FHOD3: variants seen among roughly 807,000 people sequenced by gnomAD.
FHOD3 encodes formin homology 2 domain containing 3.
In FHOD3, 90 loss-of-function variants were observed where a neutral mutation model predicts 173.0. That is an observed-to-expected ratio of 0.52 (90% CI 0.44 to 0.62). The LOEUF (loss-of-function observed/expected upper bound fraction) is 0.62. Among genes scored for constraint, FHOD3 ranks in the 20% least tolerant of loss-of-function variants. The pLI is 0.00. For missense variants in FHOD3, 1,945 were observed against 2,034.7 expected, an observed-to-expected ratio of 0.96 and a Z score of 0.85; for synonymous variants, 828 against 823.0, an observed-to-expected ratio of 1.01 and a Z score of -0.10.
At chr18:36,593,541 C>T (rs896293505) in intron 6 of FHOD3, among the ~76,000 whole-genome samples, 20 of 152,120 alleles carry the variant, frequency 1.3e-4, no homozygotes, top group African/African-American at 4.6e-4. Context: ...TTTGGGATCC[C>T]CCAAATTTAC....
At chr18:36,586,101 C>T (rs1315209048) in intron 6 of FHOD3, among the ~76,000 whole-genome samples, 1 of 152,188 alleles carries the variant, frequency 6.6e-6, no homozygotes, top group African/African-American at 2.4e-5. Flanking sequence ...TTTCATGTTT[C>T]CAGGGCTGGT....
chr18:36,527,331 G>A (rs2056569034), intron 5 of FHOD3, among the ~76,000 whole-genome samples: 1 of 152,188 alleles, frequency 6.6e-6, no homozygotes, highest in African/African-American at 2.4e-5. Context: ...TTTCTCTTAA[G>A]AAGGGATTTA....
At chr18:36,417,149 A>G (rs776497917) in intron 3 of FHOD3, among the ~76,000 whole-genome samples, 3 of 152,212 alleles carry the variant, frequency 2.0e-5, no homozygotes, top group Non-Finnish European at 4.4e-5. Context: ...TTTGTTGTAC[A>G]GATTATTTCA....
At chr18:36,315,844 A>G (rs2044089678) in intron 1 of FHOD3, among the ~76,000 whole-genome samples, 1 of 152,066 alleles carries the variant, frequency 6.6e-6, no homozygotes, top group South Asian at 2.1e-4. Flanking sequence ...TGAAAATGTA[A>G]TTTTGGTTAC....
chr18:36,718,214 G>T lies in FHOD3; in HGVS notation c.2916G>T (p.Pro972=). ...TCCCAGAAACAGCGCCGGTGCAGCC[G>T]AAGACAGAGTCTGATTACATCTGGG... ...DKVPETAPVQ[P]KTESDYIWDQ... is the part of the protein sequence containing the mutation. Residue 972 remains proline, a synonymous_variant, in exon 19 of 29, where the codon CCG becomes CCT. Transcript: ENST00000590592. 1 of 1,614,118 alleles carries T rather than the reference G, an allele frequency of 6.2e-7. No individual in the cohort carries two copies. Among genetic ancestry groups the T allele is most frequent in the East Asian group, 2.2e-5 (1 of 44,888 alleles).
intron 8 of FHOD3, among the ~76,000 whole-genome samples, chr18:36,608,731 G>A (rs1419206100): frequency 6.6e-6 from 1 of 152,180 alleles, no homozygotes; most frequent in African/African-American, 2.4e-5. Flanking sequence ...TTTCAAGAAT[G>A]TCAGATGGAA....
chr18:36,394,238 A>G (rs531070032), intron 3 of FHOD3, among the ~76,000 whole-genome samples: 2 of 152,338 alleles, frequency 1.3e-5, no homozygotes, highest in South Asian at 2.1e-4. Flanking sequence ...GATAATATCA[A>G]TTTAAATATT....
intron 10 of FHOD3, among the ~76,000 whole-genome samples, chr18:36,638,835 A>G (rs544612058): frequency 3.1e-4 from 47 of 152,236 alleles, no homozygotes; most frequent in Non-Finnish European, 5.4e-4. Flanking sequence ...ACCTCCCAAG[A>G]CCACCCTCAA....
chr18:36,636,066 CT>C (rs1395840399), intron 10 of FHOD3, among the ~76,000 whole-genome samples: 1 of 152,168 alleles, frequency 6.6e-6, no homozygotes, highest in Non-Finnish European at 1.5e-5. Context: ...CTAGTTGAAT[CT>C]TTTACTTGCT....
rs17674112 is a variant in FHOD3, at chr18:36,533,767, A to G, written c.511+21224A>G. Among the ~76,000 whole-genome samples, 554 of 152,270 alleles carry G rather than the reference A, an allele frequency of 3.6e-3. 34 individuals are homozygous for G. In the East Asian group the frequency reaches 0.097, roughly 27 times the overall value. On this transcript the variant is annotated intron_variant, in intron 5 of 28. Coordinates refer to ENST00000590592, the MANE Select transcript of FHOD3 (RefSeq NM_001281740.3). ...ACACATCAGGAGGTAAGAAAACCTGATGAAAGAGGCTCCCCGAGGTATGTT... is the reference window on the plus strand; with the variant it reads ...ACACATCAGGAGGTAAGAAAACCTGGTGAAAGAGGCTCCCCGAGGTATGTT...
chr18:36,739,270 A>G (rs1178928072), intron 20 of FHOD3, among the ~76,000 whole-genome samples: 1 of 152,270 alleles, frequency 6.6e-6, no homozygotes, highest in Non-Finnish European at 1.5e-5. Flanking sequence ...TATAATTGAA[A>G]ATAGATTTAC....
At chr18:36,367,096 C>T (rs776479413) in intron 2 of FHOD3, among the ~76,000 whole-genome samples, 1 of 152,176 alleles carries the variant, frequency 6.6e-6, no homozygotes, top group Non-Finnish European at 1.5e-5. Context: ...CTGAAACATG[C>T]AGGTTTCTGT....
chr18:36,614,629 T>A (rs189146052), intron 9 of FHOD3, among the ~76,000 whole-genome samples: 193 of 152,286 alleles, frequency 1.3e-3, no homozygotes, highest in Middle Eastern at 6.8e-3. Context: ...GTATAAGGAT[T>A]CCAGTTACTC....
At chr18:36,461,958 T>C (rs547537255) in intron 3 of FHOD3, among the ~76,000 whole-genome samples, 1 of 152,296 alleles carries the variant, frequency 6.6e-6, no homozygotes, top group African/African-American at 2.4e-5. Context: ...TAAAATTAAG[T>C]TGGACAGGAA....
chr18:36,480,088 C>T (rs2053800515), intron 3 of FHOD3, among the ~76,000 whole-genome samples: 1 of 152,198 alleles, frequency 6.6e-6, no homozygotes, highest in African/African-American at 2.4e-5. Flanking sequence ...AGCAAATGTA[C>T]TTTCTGTAAA....
intron 14 of FHOD3, 43 bp downstream of exon 14, chr18:36,658,231 G>T: frequency 7.5e-7 from 1 of 1,340,292 alleles, no homozygotes; most frequent in Non-Finnish European, 1.0e-6. Flanking sequence ...GTCCTCAAGT[G>T]AGGGGAATCA....
intron 1 of FHOD3, among the ~76,000 whole-genome samples, chr18:36,352,359 AGTGT>A (rs1243763923): frequency 2.0e-5 from 3 of 152,242 alleles, no homozygotes; most frequent in Non-Finnish European, 4.4e-5. Flanking sequence ...AGACATTCAC[AGTGT>A]GTCACTTCCT....
intron 9 of FHOD3, among the ~76,000 whole-genome samples, chr18:36,622,275 T>C (rs1440598927): frequency 6.6e-6 from 1 of 152,194 alleles, no homozygotes. Flanking sequence ...ATCGTCCCTC[T>C]AGTTAACAAT....
At chr18:36,539,466 G>A (rs1263589781) in intron 5 of FHOD3, among the ~76,000 whole-genome samples, 3 of 152,342 alleles carry the variant, frequency 2.0e-5, no homozygotes, top group East Asian at 1.9e-4. Context: ...CCCAGTCACC[G>A]TCCAGAGAGG....
Sources: allele counts gnomAD v4.1 joint callset (sites outside exome capture counted in the v4.1 genomes callset), GRCh38; gene constraint gnomAD v4.1.1; transcripts MANE v1.5; gene names NCBI Gene and HGNC (gene_info 2026-07-23, HGNC 2026-07-21).